The following HOXC8 variants were observed in gnomAD, a reference collection of about 807,000 sequenced individuals.
HOXC8 encodes the protein homeobox C8, also known as homeobox protein Hox-C8.
In HOXC8, 14 loss-of-function variants were observed where a neutral mutation model predicts 25.8. The ratio of observed to expected loss-of-function variants is 0.54; its 90% confidence interval spans 0.36 to 0.85. The LOEUF (loss-of-function observed/expected upper bound fraction) is 0.85. Among genes scored for constraint, HOXC8 ranks in the 40% least tolerant of loss-of-function variants. The pLI is 0.01. For missense variants in HOXC8, 316 were observed against 308.8 expected (o/e 1.02, Z -0.17); for synonymous variants, 144 against 124.6 (o/e 1.16, Z -1.04).
intron 1 of HOXC8, among the ~76,000 whole-genome samples, chr12:54,010,177 CAG>C (rs1348992459): frequency 6.6e-6 from 1 of 152,188 alleles, no homozygotes; most frequent in Non-Finnish European, 1.5e-5. Flanking sequence ...CAAAGGGAGA[CAG>C]ACCCCTGTTG....
Position 54,011,116 on chromosome 12 carries a change from C to G in HOXC8, c.464C>G (p.Thr155Ser). 2 of 1,614,080 alleles carry G rather than the reference C, an allele frequency of 1.2e-6. No homozygotes were observed. The highest frequency in any genetic ancestry group is 2.7e-5 in the African/African-American group (2 of 75,042). Residue 155 changes from threonine to serine, a missense_variant, in exon 2 of 2, where the codon ACT (threonine) becomes AGT (serine). Thr to Ser is a moderately conservative substitution (Grantham distance 58, BLOSUM62 1). Coordinates refer to ENST00000040584, the MANE Select transcript of HOXC8 (RefSeq NM_022658.4). ...HAPGRRSGRQ[T>S]YSRYQTLELE... ...CCGGGGAGGCGCAGTGGACGGCAAA[C>G]TTACAGCCGGTATCAGACCTTGGAA...
chr12:54,012,067 A>G lies in HOXC8; in HGVS notation c.*686A>G, dbSNP rs1940008217. 6.6e-6 allele frequency: 1 copy of G among 151,272 alleles called. No individual in the cohort carries two copies. The highest frequency in any genetic ancestry group is 1.5e-5 in the Non-Finnish European group (1 of 67,940). The allele number at this position is 151,272 out of a possible 1,614,324, so 9.4% of individuals were successfully genotyped here. A position where few individuals can be genotyped will look rare whatever the true frequency, so the allele number is the denominator to read the frequency against. ...CCCCATTTCCAGAAGGGTAGATAGGAGCCTGCAGTCGCCTCTAAAATCCTA... is the reference window on the plus strand; with the variant it reads ...CCCCATTTCCAGAAGGGTAGATAGGGGCCTGCAGTCGCCTCTAAAATCCTA... On this transcript the variant is annotated 3_prime_UTR_variant, in exon 2 of 2. Transcript: ENST00000040584.
rs370052189 is a variant in HOXC8, at chr12:54,009,239, C to T, written c.-46C>T. On this transcript the variant is annotated 5_prime_UTR_variant, in exon 1 of 2. Transcript: ENST00000040584. The surrounding 1 kb of genome is among the most constrained non-coding windows in gnomAD (Gnocchi z 5.0). Reference sequence around the variant, plus strand: ...AGTTTCGGGGGTACTGGGCGGGGTACTCGTGAGCCAGAGGGGAGGGGGCCG... The same window carrying T: ...AGTTTCGGGGGTACTGGGCGGGGTATTCGTGAGCCAGAGGGGAGGGGGCCG... 1.8e-4 allele frequency: 274 copies of T among 1,482,348 alleles called. No homozygotes were observed. In the African/African-American group the frequency reaches 3.5e-3, roughly 19 times the overall value. The allele number at this position is 1,482,348 out of a possible 1,614,324, so 91.8% of individuals were successfully genotyped here.
rs757063948 is a variant in HOXC8 at position 54,011,306 on chromosome 12, TGAG to T, written c.658_660del (p.Glu220del). On this transcript the variant is annotated inframe_deletion, in exon 2 of 2. Transcript: ENST00000040584. The stretch of plus-strand genomic sequence containing the variant: ...AGGATAAACTGCCGGGAGCCCGAGA[TGAG>T]GAGAAGGTGGAGGAAGAAGGAAATG... 2.6e-5 allele frequency: 41 copies of T among 1,547,734 alleles called. No homozygotes were observed. In the African/African-American group the frequency reaches 4.6e-4, roughly 17 times the overall value.
intron 1 of HOXC8, among the ~76,000 whole-genome samples, chr12:54,010,858 C>T (rs1458879763): frequency 3.3e-5 from 5 of 152,046 alleles, no homozygotes; most frequent in Non-Finnish European, 2.9e-5. Context: ...CCTGAAAGGC[C>T]CCAGTTTCCA....
chr12:54,011,564 CTT>C lies in HOXC8; in HGVS notation c.*185_*186del. Reference sequence around the variant, plus strand: ...TTATTACCTTTGGACTTCCCCCACTCTTTATTTGTTTGGGGGCTGGAGGGGGG... The same window carrying C: ...TTATTACCTTTGGACTTCCCCCACTCTATTTGTTTGGGGGCTGGAGGGGGG... On this transcript the variant is annotated 3_prime_UTR_variant, in exon 2 of 2. Transcript: ENST00000040584. 2.7e-6 allele frequency: 2 copies of C among 738,402 alleles called. No homozygotes were observed. Among genetic ancestry groups the C allele is most frequent in the South Asian group, 3.6e-5 (1 of 27,518 alleles). 45.7% of individuals were successfully genotyped at this position (738,402 alleles called of 1,614,324 possible).
chr12:54,009,511 C>A lies in HOXC8; in HGVS notation c.227C>A (p.Pro76Gln), dbSNP rs767598337. The A allele has an allele frequency of 1.2e-6, 2 of 1,614,214 alleles. No homozygotes were observed. Among genetic ancestry groups the A allele is most frequent in the Non-Finnish European group, 1.7e-6 (2 of 1,180,024 alleles). ...TCCAACTCAGGCTACCAGCAGAACC[C>A]GTGCTCGCTTAGCTGCCACGGAGAC... ...GISNSGYQQN[P>Q]CSLSCHGDAS... The change falls in exon 1 of 2, where the codon CCG becomes CAG. Residue 76 changes from proline to glutamine, a missense_variant. Transcript: ENST00000040584. This position sits in a 1 kb window ranked among gnomAD's most constrained non-coding sequence, Gnocchi z 5.0.
Position 54,011,576 on chromosome 12 carries a change from G to A in HOXC8, c.*195G>A. On this transcript the variant is annotated 3_prime_UTR_variant, in exon 2 of 2. Coordinates refer to ENST00000040584, the MANE Select transcript of HOXC8 (RefSeq NM_022658.4). ...GACTTCCCCCACTCTTTATTTGTTT[G>A]GGGGCTGGAGGGGGGAGACGGAGAA... The A allele has an allele frequency of 1.6e-6, 1 of 624,844 alleles. No homozygotes were observed. Among genetic ancestry groups the A allele is most frequent in the Non-Finnish European group, 2.4e-6 (1 of 412,076 alleles). The allele number at this position is 624,844 out of a possible 1,614,324, so 38.7% of individuals were successfully genotyped here. A position where few individuals can be genotyped will look rare whatever the true frequency, so the allele number is the denominator to read the frequency against.
chr12:54,009,625 G>A lies in HOXC8; in HGVS notation c.341G>A (p.Cys114Tyr). 6.2e-7 allele frequency: 1 copy of A among 1,614,210 alleles called. No individual in the cohort carries two copies. The highest frequency in any genetic ancestry group is 8.5e-7 in the Non-Finnish European group (1 of 1,180,034). ...GCGAGCGTGGTGCAATATCCCGACT[G>A]TAAATCCTCCGCCAACACTAACAGT... Reference protein sequence around the residue: ...QEASVVQYPDCKSSANTNSSE... With the variant: ...QEASVVQYPDYKSSANTNSSE... The change falls in exon 1 of 2, where the codon TGT becomes TAT. Residue 114 changes from cysteine to tyrosine, a missense_variant. Cys to Tyr is a radical substitution (Grantham distance 194). Coordinates refer to ENST00000040584, the MANE Select transcript of HOXC8 (RefSeq NM_022658.4). This position sits in a 1 kb window ranked among gnomAD's most constrained non-coding sequence, Gnocchi z 5.0.
In HOXC8 at chr12:54,009,070, C is replaced by T. The variant is rs1939918850; in HGVS notation, c.-215C>T. On this transcript the variant is annotated 5_prime_UTR_variant, in exon 1 of 2. Coordinates refer to ENST00000040584, the MANE Select transcript of HOXC8 (RefSeq NM_022658.4). The surrounding 1 kb of genome is among the most constrained non-coding windows in gnomAD (Gnocchi z 5.0). The stretch of plus-strand genomic sequence containing the variant: ...CCCGCTCGCCGCCCGCCGCCGCCGC[C>T]GCCCGCGCCCCAGCCCCGGGAGCTC... 4.9e-6 allele frequency: 1 copy of T among 204,304 alleles called. No homozygotes were observed. 12.7% of individuals were successfully genotyped at this position (204,304 alleles called of 1,614,324 possible).
rs1940010883 is a variant in HOXC8, at chr12:54,012,188, TG to T, written c.*808del. On this transcript the variant is annotated 3_prime_UTR_variant, in exon 2 of 2. Transcript: ENST00000040584. Reference sequence around the variant, plus strand: ...CCCGCCTTCCTCTGAGCTGCATTAGTGTTAGTGCTCAGAAATCACCATAATC... The same window carrying T: ...CCCGCCTTCCTCTGAGCTGCATTAGTTTAGTGCTCAGAAATCACCATAATC... 6.6e-6 allele frequency: 1 copy of T among 152,466 alleles called. No homozygotes were observed. Among genetic ancestry groups the T allele is most frequent in the East Asian group, 1.9e-4 (1 of 5,196 alleles). 9.4% of individuals were successfully genotyped at this position (152,466 alleles called of 1,614,324 possible).
Position 54,012,591 on chromosome 12 carries a change from A to G in HOXC8, c.*1210A>G, listed in dbSNP as rs187964390. Among the ~76,000 whole-genome samples, 2 of 152,248 alleles carry G rather than the reference A, an allele frequency of 1.3e-5. No homozygotes were observed. Among genetic ancestry groups the G allele is most frequent in the East Asian group, 3.9e-4 (2 of 5,190 alleles). On this transcript the variant is annotated 3_prime_UTR_variant, in exon 2 of 2. Transcript: ENST00000040584. ...TAACTCTGTCTTGAATTCTCTGTTT[A>G]TGCAATGTGCTCGAAAGAAAAAAAT... is the stretch of plus-strand genomic sequence containing the variant.
rs947869288 is a variant in HOXC8 at position 54,009,800 on chromosome 12, C to T, written c.436+80C>T. ...CCTCCCTCGCCTCCTTTTTGTCTGC[C>T]CTCGCTTTTTCTCCTGGCTTTGGGG... On this transcript the variant is annotated intron_variant, in intron 1 of 1. Transcript: ENST00000040584. This position sits in a 1 kb window ranked among gnomAD's most constrained non-coding sequence, Gnocchi z 5.0. 14 of 1,290,538 alleles carry T rather than the reference C, an allele frequency of 1.1e-5. No homozygotes were observed. The African/African-American group carries it at 1.9e-4, about 18-fold the overall frequency. The allele number at this position is 1,290,538 out of a possible 1,614,324, so 79.9% of individuals were successfully genotyped here. A position where few individuals can be genotyped will look rare whatever the true frequency, so the allele number is the denominator to read the frequency against.
chr12:54,011,667 C>A lies in HOXC8; in HGVS notation c.*286C>A. ...ACACACACTTGTCCCTGCCCCCACC[C>A]TTCTGAGTCCTTCCTGGATTTTAAG... On this transcript the variant is annotated 3_prime_UTR_variant, in exon 2 of 2. Coordinates refer to ENST00000040584, the MANE Select transcript of HOXC8 (RefSeq NM_022658.4). 4.9e-6 allele frequency: 1 copy of A among 205,834 alleles called. No individual in the cohort carries two copies. The highest frequency in any genetic ancestry group is 5.5e-5 in the Admixed American group (1 of 18,058). The allele number at this position is 205,834 out of a possible 1,614,324, so 12.8% of individuals were successfully genotyped here.
Position 54,009,238 on chromosome 12 carries a change from A to T in HOXC8, c.-47A>T. 2.1e-6 allele frequency: 3 copies of T among 1,448,358 alleles called. No homozygotes were observed. The highest frequency in any genetic ancestry group is 2.8e-6 in the Non-Finnish European group (3 of 1,062,572). 89.7% of individuals were successfully genotyped at this position (1,448,358 alleles called of 1,614,324 possible). On this transcript the variant is annotated 5_prime_UTR_variant, in exon 1 of 2. Coordinates refer to ENST00000040584, the MANE Select transcript of HOXC8 (RefSeq NM_022658.4). This position sits in a 1 kb window ranked among gnomAD's most constrained non-coding sequence, Gnocchi z 5.0. Reference sequence around the variant, plus strand: ...GAGTTTCGGGGGTACTGGGCGGGGTACTCGTGAGCCAGAGGGGAGGGGGCC... The same window carrying T: ...GAGTTTCGGGGGTACTGGGCGGGGTTCTCGTGAGCCAGAGGGGAGGGGGCC...
chr12:54,011,473 G>T lies in HOXC8; in HGVS notation c.*92G>T. The stretch of plus-strand genomic sequence containing the variant: ...ATTGAGAAGTTTACGACTGTCATTT[G>T]CTTTTATAGAGAATAGAATGACACT... On this transcript the variant is annotated 3_prime_UTR_variant, in exon 2 of 2. Coordinates refer to ENST00000040584, the MANE Select transcript of HOXC8 (RefSeq NM_022658.4). 7.1e-7 allele frequency: 1 copy of T among 1,413,728 alleles called. No homozygotes were observed. The highest frequency in any genetic ancestry group is 2.5e-5 in the East Asian group (1 of 39,652). The allele number at this position is 1,413,728 out of a possible 1,614,324, so 87.6% of individuals were successfully genotyped here.
In HOXC8 at chr12:54,009,776, C is replaced by T. The variant is rs572726684; in HGVS notation, c.436+56C>T. 726 of 1,454,316 alleles carry T rather than the reference C, an allele frequency of 5.0e-4. No homozygotes were observed. The highest frequency in any genetic ancestry group is 8.7e-4 in the Admixed American group (50 of 57,144). 90.1% of individuals were successfully genotyped at this position (1,454,316 alleles called of 1,614,324 possible). ...CTCCCGCGCTCCAGGGTTTCCCCCC[C>T]TCCCTCGCCTCCTTTTTGTCTGCCC... is the stretch of plus-strand genomic sequence containing the variant. On this transcript the variant is annotated intron_variant, in intron 1 of 1. Coordinates refer to ENST00000040584, the MANE Select transcript of HOXC8 (RefSeq NM_022658.4). This position sits in a 1 kb window ranked among gnomAD's most constrained non-coding sequence, Gnocchi z 5.0.
chr12:54,010,084 G>T (rs1460050161), intron 1 of HOXC8, among the ~76,000 whole-genome samples: 5 of 152,232 alleles, frequency 3.3e-5, no homozygotes, highest in Non-Finnish European at 1.5e-5. Flanking sequence ...TGAGTACCCT[G>T]AGACTGTCAG....
In HOXC8 at chr12:54,009,692, C is replaced by A; in HGVS notation, c.408C>A (p.Ser136Arg). The A allele has an allele frequency of 6.2e-7, 1 of 1,614,190 alleles. No homozygotes were observed. The highest frequency in any genetic ancestry group is 1.3e-5 in the African/African-American group (1 of 75,046). Reference sequence around the variant, plus strand: ...ACTTAAATCAAAACTCGTCTCCCAGCCTCATGTTTCCATGGATGAGACCCC... The same window carrying A: ...ACTTAAATCAAAACTCGTCTCCCAGACTCATGTTTCCATGGATGAGACCCC... ...QGHLNQNSSP[S>R]LMFPWMRPHA... Residue 136 changes from serine to arginine, a missense_variant, in exon 1 of 2, where the codon AGC (serine) becomes AGA (arginine). Coordinates refer to ENST00000040584, the MANE Select transcript of HOXC8 (RefSeq NM_022658.4). This position sits in a 1 kb window ranked among gnomAD's most constrained non-coding sequence, Gnocchi z 5.0.
Sources: allele counts gnomAD v4.1 joint callset (sites outside exome capture counted in the v4.1 genomes callset), GRCh38; gene constraint gnomAD v4.1.1; non-coding constraint Gnocchi (gnomAD v3.1); transcripts MANE v1.5; gene names NCBI Gene and HGNC (gene_info 2026-07-23, HGNC 2026-07-21).